Variants in FIBCD1 observed in about 807,000 individuals in gnomAD.
FIBCD1 encodes fibrinogen C domain containing 1.
FIBCD1 carries 47 observed loss-of-function variants against 45.1 expected under a neutral mutation model. That is an observed-to-expected ratio of 1.04 (90% CI 0.82 to 1.33). FIBCD1 has a LOEUF of 1.33. Among genes scored for constraint, FIBCD1 ranks in the 40% most tolerant of loss-of-function variants. FIBCD1 has a pLI of 0.00. For missense variants in FIBCD1, 653 were observed against 682.2 expected (o/e 0.96, Z 0.48); for synonymous variants, 313 against 308.1 (o/e 1.02, Z -0.17).
intron 4 of FIBCD1, among the ~76,000 whole-genome samples, chr9:130,914,190 G>A (rs558100089): frequency 6.6e-6 from 1 of 152,098 alleles, no homozygotes. Context: ...TGCCTCCTCT[G>A]CTCCTCTCCC....
At chr9:130,936,486 C>G (rs1415209218) in intron 1 of FIBCD1, 2 of 152,312 alleles carry the variant, frequency 1.3e-5, no homozygotes, top group Non-Finnish European at 2.9e-5. Flanking sequence ...AGCAACAGCC[C>G]TCGAGCTTCC....
intron 4 of FIBCD1, among the ~76,000 whole-genome samples, chr9:130,921,397 G>A (rs1221502179): frequency 6.6e-6 from 1 of 152,214 alleles, no homozygotes; most frequent in African/African-American, 2.4e-5. Flanking sequence ...GAGGTTCCTG[G>A]GAAAAGATTG....
chr9:130,922,719 C>T lies in FIBCD1; in HGVS notation c.849+1025G>A, dbSNP rs1285625068. Among the ~76,000 whole-genome samples the T allele has an allele frequency of 6.6e-6, 1 of 152,154 alleles. No homozygotes were observed. The highest frequency in any genetic ancestry group is 1.5e-5 in the Non-Finnish European group (1 of 68,030). ...ATCCCGTCTTCCTCTCTTCAACACC[C>T]CCAGTAGCTCCCGACTGTGTGTCCC... On this transcript the variant is annotated intron_variant, in intron 4 of 6. Coordinates refer to ENST00000372338, the MANE Select transcript of FIBCD1 (RefSeq NM_032843.5). This position sits in a 1 kb window ranked among gnomAD's most constrained non-coding sequence, Gnocchi z 4.5.
intron 4 of FIBCD1, among the ~76,000 whole-genome samples, chr9:130,920,356 C>G (rs1221287527): frequency 2.0e-5 from 3 of 152,148 alleles, no homozygotes; most frequent in African/African-American, 7.2e-5. Flanking sequence ...CCCAGCCCCG[C>G]TCCCCGCTCA....
At chr9:130,912,330 C>T (rs1297920507) in intron 4 of FIBCD1, among the ~76,000 whole-genome samples, 3 of 145,076 alleles carry the variant, frequency 2.1e-5, no homozygotes, top group Admixed American at 7.1e-5. Flanking sequence ...CCCTTGAGCC[C>T]GGGAGGTTAA....
chr9:130,911,980 C>A, intron 4 of FIBCD1, 92 bp from the exon 5 acceptor site: 2 of 1,206,790 alleles, frequency 1.7e-6, no homozygotes, highest in Non-Finnish European at 2.4e-6. Context: ...ACTCCCCTCA[C>A]CCTGCTCCCA....
rs1832445041 is a variant in FIBCD1, at chr9:130,931,281, G to A, written c.73-1235C>T. Among the ~76,000 whole-genome samples the A allele has an allele frequency of 2.0e-5, 3 of 152,176 alleles. 1 individual carries two copies. The highest frequency in any genetic ancestry group is 4.1e-4 in the South Asian group (2 of 4,828). ...AGCCCAGCACTTGGGAGGCCGAGGC[G>A]GGCAGATCACAAGGTCAGGAGATCG... is the stretch of plus-strand genomic sequence containing the variant. On this transcript the variant is annotated intron_variant, in intron 1 of 6. Transcript: ENST00000372338.
intron 5 of FIBCD1, among the ~76,000 whole-genome samples, chr9:130,905,873 G>A (rs1831918998): frequency 6.6e-6 from 1 of 152,182 alleles, no homozygotes; most frequent in African/African-American, 2.4e-5. Flanking sequence ...TTCATTTCTG[G>A]AAGGCTGCCT....
chr9:130,911,830 C>A lies in FIBCD1; in HGVS notation c.908G>T (p.Arg303Leu). Residue 303 changes from arginine (R) to leucine (L), a missense_variant, in exon 5 of 7, where the codon CGA becomes CTA. Physicochemically the swap from Arg to Leu is moderately radical, Grantham distance 102. Transcript: ENST00000372338. ...VNFFRGWDAYRDGFGRLTGEH... is the reference protein window; with the variant it reads ...VNFFRGWDAYLDGFGRLTGEH... ...CCCGGTGAGCCTGCCAAAGCCGTCT[C>A]GGTACGCATCCCAGCCCCGGAAGAA... 6.2e-7 allele frequency: 1 copy of A among 1,604,700 alleles called. No individual in the cohort carries two copies. Among genetic ancestry groups the A allele is most frequent in the Non-Finnish European group, 8.5e-7 (1 of 1,176,428 alleles).
At chr9:130,930,940 G>A (rs1832440215) in intron 1 of FIBCD1, 1 of 418,886 alleles carries the variant, frequency 2.4e-6, no homozygotes, top group Non-Finnish European at 4.9e-6. Context: ...CATCACGGAA[G>A]GTCCCTTCCA....
intron 1 of FIBCD1, among the ~76,000 whole-genome samples, chr9:130,935,896 C>A (rs939265547): frequency 6.6e-6 from 1 of 152,142 alleles, no homozygotes; most frequent in Non-Finnish European, 1.5e-5. Context: ...GCTTGGAGTG[C>A]GGCGTCAGCG....
Position 130,926,241 on chromosome 9 carries a change from G to A in FIBCD1, c.553-1845C>T, listed in dbSNP as rs939829387. On this transcript the variant is annotated intron_variant, in intron 2 of 6. Transcript: ENST00000372338. This position sits in a 1 kb window ranked among gnomAD's most constrained non-coding sequence, Gnocchi z 4.1. ...TTATCTGAGTCAACACGGCCACAAC[G>A]CACTAAAAAAAACTCAGGCACGGCC... 6.6e-6 allele frequency among the ~76,000 whole-genome samples: 1 copy of A among 152,148 alleles called. No homozygotes were observed. The highest frequency in any genetic ancestry group is 2.4e-5 in the African/African-American group (1 of 41,412).
chr9:130,923,316 G>A (rs578061931), intron 4 of FIBCD1, among the ~76,000 whole-genome samples: 1 of 152,310 alleles, frequency 6.6e-6, no homozygotes, highest in African/African-American at 2.4e-5. Flanking sequence ...TGCTCCTCCA[G>A]CCACACTCCT....
At chr9:130,923,324 C>T (rs942799921) in intron 4 of FIBCD1, among the ~76,000 whole-genome samples, 2 of 152,194 alleles carry the variant, frequency 1.3e-5, no homozygotes, top group African/African-American at 4.8e-5. Context: ...CAGCCACACT[C>T]CTCCTTTTTC....
chr9:130,912,531 ACC>A (rs1305146028), intron 4 of FIBCD1, among the ~76,000 whole-genome samples: 1 of 151,160 alleles, frequency 6.6e-6, no homozygotes, highest in African/African-American at 2.4e-5. Context: ...ACGTGGGGAA[ACC>A]CCGTCTCTAC....
intron 5 of FIBCD1, among the ~76,000 whole-genome samples, 178 bp downstream of exon 5, chr9:130,911,614 G>A (rs1226344712): frequency 6.6e-6 from 1 of 152,234 alleles, no homozygotes; most frequent in African/African-American, 2.4e-5. Context: ...GGCAATGTCT[G>A]GCCTCATTCC....
At chr9:130,907,256 G>A (rs868613440) in intron 5 of FIBCD1, among the ~76,000 whole-genome samples, 3 of 151,604 alleles carry the variant, frequency 2.0e-5, no homozygotes, top group Non-Finnish European at 4.4e-5. Flanking sequence ...CAGGACGCCC[G>A]AGGGAGGGGT....
At position 130,926,348 on chromosome 9, in the gene FIBCD1, C is replaced by G. The variant is rs1242165253; in HGVS notation, c.553-1952G>C. Among the ~76,000 whole-genome samples the G allele has an allele frequency of 6.6e-6, 1 of 152,204 alleles. No homozygotes were observed. Among genetic ancestry groups the G allele is most frequent in the East Asian group, 1.9e-4 (1 of 5,200 alleles). ...AGTTGAAAATGTACATATAAACATG[C>G]CCCGAATTAATGGGGAAGTGAGTCC... On this transcript the variant is annotated intron_variant, in intron 2 of 6. Coordinates refer to ENST00000372338, the MANE Select transcript of FIBCD1 (RefSeq NM_032843.5). This position sits in a 1 kb window ranked among gnomAD's most constrained non-coding sequence, Gnocchi z 4.1.
intron 2 of FIBCD1, among the ~76,000 whole-genome samples, chr9:130,925,821 G>A (rs1043787521): frequency 2.0e-5 from 3 of 152,172 alleles, no homozygotes; most frequent in Non-Finnish European, 2.9e-5. Context: ...GGAGCCGGCC[G>A]GGTCTTTATA....
Sources: gnomAD v4.1 joint callset for allele counts (sites outside exome capture counted in the v4.1 genomes callset) on GRCh38, gnomAD v4.1.1 for gene constraint, Gnocchi (gnomAD v3.1) non-coding constraint, MANE v1.5 for transcripts, NCBI Gene and HGNC (gene_info 2026-07-23, HGNC 2026-07-21) for gene names.